PCDH11X: variants seen among roughly 807,000 people sequenced by gnomAD.
PCDH11X encodes the protein protocadherin-11 X-linked.
PCDH11X carries 18 observed loss-of-function variants against 53.3 expected under a neutral mutation model. The ratio of observed to expected loss-of-function variants is 0.34; its 90% CI spans 0.23 to 0.50. PCDH11X has a LOEUF of 0.50. PCDH11X is among the 20% of genes least tolerant of loss of function. PCDH11X has a pLI of 0.98. For missense variants in PCDH11X, 570 were observed against 1,032.4 expected (o/e 0.55, Z 6.14); for synonymous variants, 279 against 393.3 (o/e 0.71, Z 3.44).
At chrX:92,595,417 C>T (rs1203420105) in intron 10 of PCDH11X, among the ~76,000 whole-genome samples, 1 of 108,832 alleles carries the variant, frequency 9.2e-6, no homozygotes, top group Admixed American at 9.9e-5. Context: ...TCCAGCAATG[C>T]GAATTTAAAA....
At chrX:92,204,530 T>C in intron 7 of PCDH11X, among the ~76,000 whole-genome samples, 1 of 112,151 alleles carries the variant, frequency 8.9e-6, no homozygotes, top group Non-Finnish European at 1.9e-5. Context: ...CTGTACTTCA[T>C]TGTCCATGTC....
intron 6 of PCDH11X, among the ~76,000 whole-genome samples, chrX:92,074,455 A>G (rs2063746408): frequency 9.0e-6 from 1 of 111,520 alleles, no homozygotes; most frequent in Non-Finnish European, 1.9e-5. Context: ...ACAAACCTCC[A>G]TGTTTCCTAT....
At chrX:92,115,674 G>A (rs1276871089) in intron 6 of PCDH11X, among the ~76,000 whole-genome samples, 1 of 111,022 alleles carries the variant, frequency 9.0e-6, no homozygotes, top group African/African-American at 3.3e-5. Flanking sequence ...AACCACTGGT[G>A]TAAATCCAAG....
At chrX:92,222,799 C>T (rs915186750) in intron 7 of PCDH11X, among the ~76,000 whole-genome samples, 17 of 111,622 alleles carry the variant, frequency 1.5e-4, no homozygotes, top group Non-Finnish European at 3.0e-4. Flanking sequence ...TAGATTTCCC[C>T]TTGGTCCATT....
intron 5 of PCDH11X, among the ~76,000 whole-genome samples, chrX:91,874,727 A>T: frequency 1.1e-5 from 1 of 90,349 alleles, no homozygotes; most frequent in East Asian, 3.3e-4. Context: ...AATGAGATGC[A>T]TTTGGATATT....
intron 8 of PCDH11X, among the ~76,000 whole-genome samples, chrX:92,312,277 C>G (rs2068966759): frequency 9.0e-6 from 1 of 111,108 alleles, no homozygotes; most frequent in South Asian, 3.8e-4. Flanking sequence ...CTTTAGATAA[C>G]TTGTAGGGCA....
At chrX:91,808,180 A>G in intron 1 of PCDH11X, among the ~76,000 whole-genome samples, 1 of 109,187 alleles carries the variant, frequency 9.2e-6, no homozygotes, top group Non-Finnish European at 1.9e-5. Flanking sequence ...CAAATTTCAC[A>G]GTTGTTAATA....
At chrX:92,563,106 T>G (rs1371713608) in intron 10 of PCDH11X, among the ~76,000 whole-genome samples, 1 of 72,026 alleles carries the variant, frequency 1.4e-5, no homozygotes, top group African/African-American at 5.5e-5. Context: ...ACTGGGAAAT[T>G]TATAAAGTAA....
chrX:91,989,266 A>T (rs2062277972), intron 6 of PCDH11X, among the ~76,000 whole-genome samples: 1 of 111,460 alleles, frequency 9.0e-6, no homozygotes, highest in Non-Finnish European at 1.9e-5. Context: ...GAAAAGAGAA[A>T]GAAGAAGAAA....
intron 7 of PCDH11X, among the ~76,000 whole-genome samples, chrX:92,232,074 A>T (rs1218104577): frequency 1.8e-5 from 2 of 112,196 alleles, no homozygotes; most frequent in Non-Finnish European, 3.8e-5. Context: ...AGATAAATTC[A>T]TTTGATATTC....
Position 92,620,207 on chromosome X carries a change from C to T in PCDH11X, c.*1267C>T, listed in dbSNP as rs1001776285. 4 of 111,011 alleles carry T rather than the reference C, an allele frequency of 3.6e-5. No individual in the cohort carries two copies. Among genetic ancestry groups the T allele is most frequent in the African/African-American group, 1.3e-4 (4 of 30,619 alleles). 9.1% of individuals were successfully genotyped at this position (111,011 alleles called of 1,213,427 possible). On this transcript the variant is annotated 3_prime_UTR_variant, in exon 11 of 11. Coordinates refer to ENST00000682573, the MANE Select transcript of PCDH11X (RefSeq NM_032968.5). ...GTCAACAAGAAATACCAATAACACA[C>T]ACAGAACAAAAACCATCAAAATCTC...
chrX:92,274,668 A>G (rs1391977606), intron 8 of PCDH11X, among the ~76,000 whole-genome samples: 5 of 110,658 alleles, frequency 4.5e-5, no homozygotes, highest in East Asian at 2.9e-4. Context: ...GAGTAGTAGA[A>G]TAGCAGATGG....
In PCDH11X at chrX:92,361,512, C is replaced by T. The variant is rs1352006780; in HGVS notation, c.3145-26223C>T. Among the ~76,000 whole-genome samples the T allele has an allele frequency of 2.7e-5, 3 of 111,266 alleles. No homozygotes were observed. In the Admixed American group the frequency reaches 2.9e-4, roughly 11 times the overall value. On this transcript the variant is annotated intron_variant, in intron 8 of 10. Transcript: ENST00000682573. The stretch of plus-strand genomic sequence containing the variant: ...ATCCTTAAAGAAAACCAATGATGAC[C>T]AAACTCAGGTGACATTTCTCAGTCC...
rs149199062 is a variant in PCDH11X at position 92,179,586 on chromosome X, A to C, written c.3034-21789A>C. Reference sequence around the variant, plus strand: ...GAAATGAAAATGTTCAGTTTCATTGAAAAGGCTTTGTTATCTAAAAAAGTC... The same window carrying C: ...GAAATGAAAATGTTCAGTTTCATTGCAAAGGCTTTGTTATCTAAAAAAGTC... On this transcript the variant is annotated intron_variant, in intron 6 of 10. Coordinates refer to ENST00000682573, the MANE Select transcript of PCDH11X (RefSeq NM_032968.5). Among the ~76,000 whole-genome samples, 41 of 112,224 alleles carry C rather than the reference A, an allele frequency of 3.7e-4. 1 individual carries two copies. The East Asian group carries it at 8.4e-3, about 23-fold the overall frequency.
At chrX:91,980,979 A>AAT (rs3083658) in intron 6 of PCDH11X, among the ~76,000 whole-genome samples, 1,747 of 95,897 alleles carry the variant, frequency 0.018, 34 homozygotes, top group African/African-American at 0.054. Context: ...ATATACACTG[A>AAT]ATATATATAT....
chrX:92,075,076 TG>T (rs200547019), intron 6 of PCDH11X, among the ~76,000 whole-genome samples: 6,520 of 109,911 alleles, frequency 0.059, 520 homozygotes, highest in African/African-American at 0.21. Context: ...AATATTTGCA[TG>T]GGGATACTTT....
chrX:92,491,005 A>G (rs1228670945), intron 10 of PCDH11X, among the ~76,000 whole-genome samples: 2 of 108,990 alleles, frequency 1.8e-5, no homozygotes, highest in East Asian at 5.9e-4. Flanking sequence ...CAAGGCACAT[A>G]CTTAAGCAGA....
At chrX:91,791,649 G>A (rs1935541320) in intron 1 of PCDH11X, among the ~76,000 whole-genome samples, 1 of 105,609 alleles carries the variant, frequency 9.5e-6, no homozygotes, top group Admixed American at 1.0e-4. Flanking sequence ...AATGGGGCAC[G>A]TATAGCAGCC....
At chrX:91,971,794 T>C (rs2061964113) in intron 6 of PCDH11X, among the ~76,000 whole-genome samples, 1 of 111,251 alleles carries the variant, frequency 9.0e-6, no homozygotes, top group Non-Finnish European at 1.9e-5. Context: ...AGAGAACTTG[T>C]TTTATGGTTT....
Sources: gnomAD v4.1 joint callset for allele counts (sites outside exome capture counted in the v4.1 genomes callset) on GRCh38, gnomAD v4.1.1 for gene constraint, MANE v1.5 for transcripts, NCBI Gene and HGNC (gene_info 2026-07-23, HGNC 2026-07-21) for gene names.